Variants in ADCY2 observed in about 807,000 individuals in gnomAD.
ADCY2 encodes adenylate cyclase 2, also known as adenylate cyclase type 2.
In ADCY2, 31 loss-of-function variants were observed where a neutral mutation model predicts 125.2. The ratio of observed to expected loss-of-function variants is 0.25; its 90% confidence interval spans 0.19 to 0.33. ADCY2 has a LOEUF of 0.33. ADCY2 is among the 10% of genes least tolerant of loss of function. The pLI, the probability that ADCY2 is intolerant of heterozygous loss-of-function variation, is 1.00. For missense variants in ADCY2, 904 were observed against 1,418.2 expected (o/e 0.64, Z 5.82); for synonymous variants, 512 against 548.4 (o/e 0.93, Z 0.93).
rs192017886 is a variant in ADCY2, at chr5:7,587,771, A to G, written c.571-38396A>G. ...GGACAAGTAAGGGAAAGATTTGGAG[A>G]AGGAGCAAATAAAGGAGAACATAAA... On this transcript the variant is annotated intron_variant, in intron 3 of 24. Coordinates refer to ENST00000338316, the MANE Select transcript of ADCY2 (RefSeq NM_020546.3). Among the ~76,000 whole-genome samples, 28 of 152,320 alleles carry G rather than the reference A, an allele frequency of 1.8e-4. 1 individual carries two copies. Among genetic ancestry groups the G allele is most frequent in the Admixed American group, 1.8e-3 (27 of 15,302 alleles).
chr5:7,457,502 C>T (rs73046316), intron 2 of ADCY2, among the ~76,000 whole-genome samples: 2,802 of 152,252 alleles, frequency 0.018, 83 homozygotes, highest in African/African-American at 0.064. Flanking sequence ...TCAGAAGCCA[C>T]CTGTGCTCCT....
At chr5:7,484,614 T>C (rs1742856000) in intron 2 of ADCY2, among the ~76,000 whole-genome samples, 3 of 152,204 alleles carry the variant, frequency 2.0e-5, no homozygotes, top group Non-Finnish European at 2.9e-5. Context: ...TTTTAAGCAA[T>C]CTGAAGAGCT....
rs958583567 is a variant in ADCY2, at chr5:7,567,375, T to C, written c.570+46476T>C. ...GATTTTAGCATTTGCTTATTTTTTT[T>C]CCCTAAAATGATAAGTTAAAACTGA... On this transcript the variant is annotated intron_variant, in intron 3 of 24. Transcript: ENST00000338316. 3.4e-4 allele frequency among the ~76,000 whole-genome samples: 52 copies of C among 152,208 alleles called. 1 individual carries two copies. The highest frequency in any genetic ancestry group is 2.8e-4 in the Non-Finnish European group (19 of 68,040).
intron 3 of ADCY2, among the ~76,000 whole-genome samples, chr5:7,592,536 G>A (rs1736880034): frequency 7.1e-6 from 1 of 140,120 alleles, no homozygotes; most frequent in South Asian, 2.5e-4. Context: ...TTGTACTAGG[G>A]GAACTGGAAA....
Position 7,519,717 on chromosome 5 carries a change from A to G in ADCY2, c.409-1021A>G, listed in dbSNP as rs563291261. The stretch of plus-strand genomic sequence containing the variant: ...TACCCAATTTAAGTTGGCATTTCCA[A>G]TGTTGTGCAACCAACACCTCATCTG... On this transcript the variant is annotated intron_variant, in intron 2 of 24. Transcript: ENST00000338316. 1.1e-4 allele frequency among the ~76,000 whole-genome samples: 16 copies of G among 152,262 alleles called. No individual in the cohort carries two copies. The South Asian group carries it at 2.7e-3, about 26-fold the overall frequency.
At chr5:7,483,526 G>A (rs1346286765) in intron 2 of ADCY2, among the ~76,000 whole-genome samples, 3 of 152,158 alleles carry the variant, frequency 2.0e-5, no homozygotes, top group Non-Finnish European at 4.4e-5. Flanking sequence ...ATGTAAGAGG[G>A]TCACCAACAA....
Position 7,744,720 on chromosome 5 carries a change from G to T in ADCY2, c.1956+968G>T, listed in dbSNP as rs539352398. ...GAGCTTCTCAGCAGCTCTCTTCCTT[G>T]CCCCCATGGGCATTCTCAAGAGAAG... On this transcript the variant is annotated intron_variant, in intron 15 of 24. Transcript: ENST00000338316. 2.0e-5 allele frequency among the ~76,000 whole-genome samples: 3 copies of T among 152,336 alleles called. No homozygotes were observed. In the East Asian group the frequency reaches 5.8e-4, roughly 29 times the overall value.
chr5:7,530,286 G>T (rs1012890960), intron 3 of ADCY2, among the ~76,000 whole-genome samples: 4 of 152,148 alleles, frequency 2.6e-5, no homozygotes, highest in African/African-American at 7.2e-5. Flanking sequence ...TTTTAGAAAT[G>T]GTGTAAAAAT....
At chr5:7,601,452 G>A (rs1355651241) in intron 3 of ADCY2, among the ~76,000 whole-genome samples, 2 of 152,100 alleles carry the variant, frequency 1.3e-5, no homozygotes, top group Admixed American at 6.5e-5. Context: ...TAGGTAGGAC[G>A]GTAACTTTTG....
intron 4 of ADCY2, among the ~76,000 whole-genome samples, chr5:7,651,942 A>G (rs1419501018): frequency 1.3e-5 from 2 of 152,116 alleles, no homozygotes; most frequent in East Asian, 1.9e-4. Context: ...AGCTAGGACT[A>G]CAGGTGCACA....
At chr5:7,688,484 G>A (rs1388657494) in intron 4 of ADCY2, among the ~76,000 whole-genome samples, 1 of 151,834 alleles carries the variant, frequency 6.6e-6, no homozygotes, top group Admixed American at 6.6e-5. Flanking sequence ...GGCCAGGCTG[G>A]TCTCAAACTC....
chr5:7,488,991 T>C (rs1183634776), intron 2 of ADCY2, among the ~76,000 whole-genome samples: 1 of 152,188 alleles, frequency 6.6e-6, no homozygotes, highest in African/African-American at 2.4e-5. Flanking sequence ...ATTGCTCTGA[T>C]GTGAGCTGAT....
chr5:7,782,288 C>T (rs570441145), intron 18 of ADCY2: 1 of 167,088 alleles, frequency 6.0e-6, no homozygotes, highest in South Asian at 2.1e-4. Context: ...TATTTCTACC[C>T]CCATAAACCA....
At chr5:7,572,666 G>T (rs908793626) in intron 3 of ADCY2, among the ~76,000 whole-genome samples, 1 of 152,050 alleles carries the variant, frequency 6.6e-6, no homozygotes, top group African/African-American at 2.4e-5. Flanking sequence ...TTTTGCTTTC[G>T]TTGCAATTAC....
chr5:7,650,021 A>G (rs1265381227), intron 4 of ADCY2, among the ~76,000 whole-genome samples: 2 of 152,006 alleles, frequency 1.3e-5, no homozygotes, highest in East Asian at 3.9e-4. Context: ...TCCTCATCCA[A>G]GCCAGCATTC....
chr5:7,677,201 G>C (rs931309476), intron 4 of ADCY2, among the ~76,000 whole-genome samples: 4 of 151,916 alleles, frequency 2.6e-5, no homozygotes, highest in African/African-American at 9.7e-5. Context: ...TCGCTTGAAC[G>C]CAGGAGGTGG....
chr5:7,703,988 C>T (rs938645027), intron 7 of ADCY2, among the ~76,000 whole-genome samples: 3 of 135,830 alleles, frequency 2.2e-5, no homozygotes, highest in Non-Finnish European at 4.6e-5. Flanking sequence ...GGCAACAGAG[C>T]AAGATTCTGT....
At chr5:7,651,268 G>A (rs1411420058) in intron 4 of ADCY2, among the ~76,000 whole-genome samples, 1 of 152,130 alleles carries the variant, frequency 6.6e-6, no homozygotes, top group East Asian at 1.9e-4. Context: ...TCTCTAGAAG[G>A]ACAGAACTAA....
chr5:7,480,438 C>G (rs914365770), intron 2 of ADCY2, among the ~76,000 whole-genome samples: 1 of 152,140 alleles, frequency 6.6e-6, no homozygotes, highest in Non-Finnish European at 1.5e-5. Flanking sequence ...AGAATGAGAT[C>G]ATGTCCTTTG....
Sources: gnomAD v4.1 joint callset for allele counts (sites outside exome capture counted in the v4.1 genomes callset) on GRCh38, gnomAD v4.1.1 for gene constraint, MANE v1.5 for transcripts, NCBI Gene and HGNC (gene_info 2026-07-23, HGNC 2026-07-21) for gene names.